Variants in ERLEC1 observed in about 807,000 individuals in gnomAD.
The protein encoded by ERLEC1 is ER lectin.
A neutral mutation model predicts 68.0 loss-of-function variants in ERLEC1; 47 were observed. The ratio of observed to expected loss-of-function variants is 0.69; its 90% CI spans 0.55 to 0.88. ERLEC1 has a LOEUF of 0.88. Ranked by LOEUF, ERLEC1 falls within the 40% of genes least tolerant of loss-of-function variation. The probability of loss-of-function intolerance (pLI) is 0.00; values close to 1 mark genes in which losing one functional copy is unlikely to be tolerated. For missense variants in ERLEC1, 567 were observed against 583.8 expected (o/e 0.97, Z 0.30); for synonymous variants, 225 against 203.2 (o/e 1.11, Z -0.91).
intron 6 of ERLEC1, among the ~76,000 whole-genome samples, chr2:53,800,761 CT>C (rs1215929208): frequency 6.6e-6 from 1 of 152,046 alleles, no homozygotes; most frequent in Non-Finnish European, 1.5e-5. Context: ...TCCTTTATTC[CT>C]TCATTCCATG....
At position 53,817,542 on chromosome 2, in the gene ERLEC1, C is replaced by G. The variant is rs1050525543; in HGVS notation, c.1381-356C>G. ...ACATTTGATAATTTCAACATCTGTT[C>G]CATCTTTGGGTTACATTTTTCTTTA... On this transcript the variant is annotated intron_variant, in intron 13 of 13. Coordinates refer to ENST00000185150, the MANE Select transcript of ERLEC1 (RefSeq NM_015701.5). 1.3e-5 allele frequency among the ~76,000 whole-genome samples: 2 copies of G among 152,104 alleles called. 1 individual carries two copies. Among genetic ancestry groups the G allele is most frequent in the Admixed American group, 1.3e-4 (2 of 15,260 alleles).
chr2:53,809,532 C>T (rs1676476901), intron 10 of ERLEC1, among the ~76,000 whole-genome samples: 1 of 152,150 alleles, frequency 6.6e-6, no homozygotes, highest in South Asian at 2.1e-4. Flanking sequence ...GCTGTTGTGG[C>T]TATACCTCTT....
chr2:53,802,899 A>G (rs554727019), intron 8 of ERLEC1, among the ~76,000 whole-genome samples: 6 of 152,094 alleles, frequency 3.9e-5, no homozygotes, highest in African/African-American at 1.4e-4. Flanking sequence ...ACCCAGCCCT[A>G]CTTGACCTTC....
chr2:53,793,047 A>G (rs1229613187), intron 1 of ERLEC1, among the ~76,000 whole-genome samples: 1 of 152,170 alleles, frequency 6.6e-6, no homozygotes, highest in African/African-American at 2.4e-5. Context: ...GAATAGAACA[A>G]AGGTCCTTAA....
chr2:53,796,087 T>C, intron 3 of ERLEC1, 74 bp downstream of exon 3: 1 of 1,051,212 alleles, frequency 9.5e-7, no homozygotes, highest in Non-Finnish European at 1.4e-6. Flanking sequence ...AAATACCGTT[T>C]CTTCTTTATT....
intron 8 of ERLEC1, among the ~76,000 whole-genome samples, chr2:53,802,755 G>A (rs937766502): frequency 6.6e-6 from 1 of 152,018 alleles, no homozygotes; most frequent in East Asian, 1.9e-4. Flanking sequence ...AAAGTACCGC[G>A]GAGTTTTGCT....
At chr2:53,805,429 G>C (rs773604068) in intron 8 of ERLEC1, among the ~76,000 whole-genome samples, 2 of 151,824 alleles carry the variant, frequency 1.3e-5, no homozygotes, top group Non-Finnish European at 2.9e-5. Context: ...TGTTGCCCGG[G>C]CTGGTTTCGA....
In ERLEC1 at chr2:53,794,458, T is replaced by C; in HGVS notation, c.267+9T>C. The C allele has an allele frequency of 7.8e-7, 1 of 1,288,462 alleles. No individual in the cohort carries two copies. Among genetic ancestry groups the C allele is most frequent in the African/African-American group, 1.5e-5 (1 of 67,066 alleles). 79.8% of individuals were successfully genotyped at this position (1,288,462 alleles called of 1,614,324 possible). A position where few individuals can be genotyped will look rare whatever the true frequency, so the allele number is the denominator to read the frequency against. On this transcript the variant is annotated intron_variant, in intron 2 of 13. Coordinates refer to ENST00000185150, the MANE Select transcript of ERLEC1 (RefSeq NM_015701.5). ...TGACAAGTGGGGATGAGGTAAGTTT[T>C]TATAAATATATTGATAATCCTGTCA...
At chr2:53,794,827 G>A (rs1358397010) in intron 2 of ERLEC1, among the ~76,000 whole-genome samples, 1 of 151,812 alleles carries the variant, frequency 6.6e-6, no homozygotes, top group Non-Finnish European at 1.5e-5. Context: ...GCTAATTTTT[G>A]TATTTTTAGT....
At position 53,787,289 on chromosome 2, in the gene ERLEC1, G is replaced by T. The variant is rs761389670; in HGVS notation, c.79G>T (p.Ala27Ser). 2.5e-6 allele frequency: 4 copies of T among 1,609,572 alleles called. No homozygotes were observed. The South Asian group carries it at 4.4e-5, about 18-fold the overall frequency. ...VLLVLCGLLE[A>S]SGGGRALPQL... is the part of the protein sequence containing the mutation. ...ACTGGTCCTCTGCGGCCTCCTGGAG[G>T]CGTCCGGCGGCGGCCGAGCCCTTCC... Residue 27 changes from alanine (A) to serine (S), a missense_variant, in exon 1 of 14, where the codon GCG (alanine) becomes TCG (serine). Transcript: ENST00000185150.
intron 10 of ERLEC1, among the ~76,000 whole-genome samples, chr2:53,810,892 C>G (rs768886956): frequency 6.6e-6 from 1 of 151,646 alleles, no homozygotes; most frequent in Admixed American, 6.6e-5. Flanking sequence ...TACCATTGAA[C>G]TACAACCCTT....
chr2:53,796,897 T>C (rs962479329), intron 3 of ERLEC1, among the ~76,000 whole-genome samples: 4 of 143,672 alleles, frequency 2.8e-5, no homozygotes, highest in African/African-American at 1.1e-4. Flanking sequence ...TTCTTTTTTT[T>C]TTTTTTTTTT....
At position 53,810,229 on chromosome 2, in the gene ERLEC1, G is replaced by T. The variant is rs185490889; in HGVS notation, c.1101+956G>T. ...TCATGCCTGTAATCCAAACACTTTG[G>T]GGGGCCAAGGCAGGAGGATCACTTG... On this transcript the variant is annotated intron_variant, in intron 10 of 13. Coordinates refer to ENST00000185150, the MANE Select transcript of ERLEC1 (RefSeq NM_015701.5). 3.6e-4 allele frequency among the ~76,000 whole-genome samples: 55 copies of T among 152,170 alleles called. 1 individual carries two copies. In the East Asian group the frequency reaches 4.2e-3, roughly 12 times the overall value.
rs776667679 is a variant in ERLEC1, at chr2:53,814,611, T to A, written c.1295T>A (p.Val432Glu). The A allele has an allele frequency of 6.2e-7, 1 of 1,609,734 alleles. No homozygotes were observed. The highest frequency in any genetic ancestry group is 8.5e-7 in the Non-Finnish European group (1 of 1,176,904). ...DITDKPRQVT[V>E]KLKCKESDSP... ...ACTGACAAACCAAGACAGGTGACTG[T>A]AAAACTAAAGTAAGTTAGACCATCA... The change falls in exon 12 of 14, where the codon GTA (valine) becomes GAA (glutamate). Residue 432 changes from valine to glutamate, a missense_variant. By Grantham distance (121) the Val-to-Glu change is moderately radical. Transcript: ENST00000185150.
intron 3 of ERLEC1, among the ~76,000 whole-genome samples, chr2:53,796,316 T>C (rs1675699945): frequency 6.6e-6 from 1 of 151,402 alleles, no homozygotes; most frequent in Non-Finnish European, 1.5e-5. Flanking sequence ...GCCCTAAGTC[T>C]GTTATTCCCC....
chr2:53,787,593 C>G, intron 1 of ERLEC1: 1 of 436,860 alleles, frequency 2.3e-6, no homozygotes, highest in Non-Finnish European at 4.0e-6. Context: ...CAATCACCTG[C>G]TCTCCACCTT....
intron 1 of ERLEC1, among the ~76,000 whole-genome samples, chr2:53,792,177 A>G (rs973536902): frequency 4.7e-5 from 7 of 150,302 alleles, no homozygotes; most frequent in East Asian, 2.0e-4. Context: ...TCGGCCTCCC[A>G]AAGTGCTGGG....
At chr2:53,787,410 C>T (rs369744010) in intron 1 of ERLEC1, 38 bp downstream of exon 1, 3 of 1,584,504 alleles carry the variant, frequency 1.9e-6, no homozygotes, top group African/African-American at 2.7e-5. Context: ...ACCCCTCCTC[C>T]TGACACTAAG....
chr2:53,808,995 C>G (rs972704088), intron 9 of ERLEC1, among the ~76,000 whole-genome samples: 2 of 152,164 alleles, frequency 1.3e-5, no homozygotes, highest in African/African-American at 4.8e-5. Flanking sequence ...AATACAGTTA[C>G]TAGTGGAATT....
Sources: gnomAD v4.1 joint callset for allele counts (sites outside exome capture counted in the v4.1 genomes callset) on GRCh38, gnomAD v4.1.1 for gene constraint, MANE v1.5 for transcripts, NCBI Gene and HGNC (gene_info 2026-07-23, HGNC 2026-07-21) for gene names.